The following MON2 variants were observed in gnomAD, a reference collection of about 807,000 sequenced individuals.
MON2 encodes MON2 regulator of endosome-to-Golgi trafficking.
A neutral mutation model predicts 208.6 loss-of-function variants in MON2; 84 were observed. The observed-to-expected ratio is 0.40, with a 90% CI of 0.34 to 0.48. The LOEUF is 0.48. Ranked by LOEUF, MON2 falls within the 20% of genes least tolerant of loss-of-function variation. The pLI is 0.59. For missense variants in MON2, 1,611 were observed against 2,015.4 expected (o/e 0.80, Z 3.84); for synonymous variants, 660 against 694.0 (o/e 0.95, Z 0.77).
chr12:62,492,708 C>T (rs1187955450), intron 2 of MON2, among the ~76,000 whole-genome samples: 3 of 146,068 alleles, frequency 2.1e-5, no homozygotes, highest in African/African-American at 2.5e-5. Context: ...CAGCCAGGCA[C>T]GGTGGCTCAC....
At chr12:62,544,264 G>A (rs1397080893) in intron 20 of MON2, among the ~76,000 whole-genome samples, 1 of 152,038 alleles carries the variant, frequency 6.6e-6, no homozygotes, top group East Asian at 1.9e-4. Context: ...GGGCAACATA[G>A]GGAGACACCA....
chr12:62,524,731 AC>A, intron 9 of MON2, 92 bp downstream of exon 9: 1 of 1,244,944 alleles, frequency 8.0e-7, no homozygotes. Flanking sequence ...TAGTCAGAAG[AC>A]TTTTGGTATT....
chr12:62,559,777 A>C (rs1045762450), intron 25 of MON2: 10 of 147,698 alleles, frequency 6.8e-5, no homozygotes, highest in Non-Finnish European at 1.2e-4. Context: ...CATCTCTTAA[A>C]AAAAAAAAAA....
At chr12:62,499,902 T>C (rs1334128597) in intron 5 of MON2, among the ~76,000 whole-genome samples, 1 of 152,098 alleles carries the variant, frequency 6.6e-6, no homozygotes, top group Non-Finnish European at 1.5e-5. Context: ...TAAAATATTT[T>C]TATCGACTAC....
At chr12:62,537,506 TA>T in intron 15 of MON2, 95 bp from the exon 16 acceptor site, 2 of 947,178 alleles carry the variant, frequency 2.1e-6, no homozygotes, top group Non-Finnish European at 3.1e-6. Context: ...ATTTTTTCTT[TA>T]AAAAAATCTT....
At chr12:62,573,560 T>TA (rs927618492) in intron 30 of MON2, among the ~76,000 whole-genome samples, 41 of 150,338 alleles carry the variant, frequency 2.7e-4, no homozygotes, top group South Asian at 1.5e-3. Context: ...ATCCTGTATA[T>TA]AAAAAAAAAT....
intron 1 of MON2, among the ~76,000 whole-genome samples, chr12:62,474,539 C>G (rs2068965391): frequency 6.6e-6 from 1 of 152,164 alleles, no homozygotes; most frequent in African/African-American, 2.4e-5. Context: ...ATTCTCTTGC[C>G]TCAGCTTCCT....
chr12:62,522,986 C>T (rs1166300261), intron 8 of MON2, among the ~76,000 whole-genome samples: 5 of 152,152 alleles, frequency 3.3e-5, no homozygotes, highest in African/African-American at 1.2e-4. Flanking sequence ...GTTATTCCTT[C>T]GGCTGTAATA....
At chr12:62,480,688 G>A (rs998200377) in intron 1 of MON2, among the ~76,000 whole-genome samples, 3 of 152,186 alleles carry the variant, frequency 2.0e-5, no homozygotes, top group East Asian at 3.8e-4. Context: ...GGACTATGGC[G>A]AATTTGAAAT....
intron 11 of MON2, among the ~76,000 whole-genome samples, chr12:62,531,331 C>T (rs1365822496): frequency 6.6e-6 from 1 of 152,080 alleles, no homozygotes; most frequent in Non-Finnish European, 1.5e-5. Context: ...ATGTTTTCTT[C>T]TAAGAGTTTT....
intron 29 of MON2, among the ~76,000 whole-genome samples, chr12:62,568,722 C>T (rs907960692): frequency 3.9e-5 from 6 of 151,956 alleles, no homozygotes; most frequent in African/African-American, 1.5e-4. Context: ...TGCAGTGGCT[C>T]AGTCACTGCA....
chr12:62,560,513 T>G lies in MON2; in HGVS notation c.3432T>G (p.Asp1144Glu). The change falls in exon 26 of 35, where the codon GAT becomes GAG. Residue 1144 changes from aspartate (D) to glutamate (E), a missense_variant. Transcript: ENST00000393630. ...TAGGAGATTTTTCAAGAGCTTGGGA[T>G]GTTCTTCTTGACCATATACAGTCAG... ...QPLGDFSRAWDVLLDHIQSAA... is the reference protein window; with the variant it reads ...QPLGDFSRAWEVLLDHIQSAA... 1.2e-6 allele frequency: 2 copies of G among 1,608,630 alleles called. No homozygotes were observed. Among genetic ancestry groups the G allele is most frequent in the Non-Finnish European group, 1.7e-6 (2 of 1,178,698 alleles).
chr12:62,590,130 G>A (rs908984689), intron 34 of MON2, among the ~76,000 whole-genome samples: 6 of 152,064 alleles, frequency 3.9e-5, no homozygotes, highest in Non-Finnish European at 7.3e-5. Context: ...TTGCTCTGTC[G>A]CCCAGGCTAG....
chr12:62,548,164 A>T (rs191013057), intron 22 of MON2, among the ~76,000 whole-genome samples: 4 of 152,346 alleles, frequency 2.6e-5, no homozygotes, highest in Admixed American at 2.6e-4. Context: ...TTTTATAGAT[A>T]TCACTGTGAC....
chr12:62,511,360 T>C (rs768835843), intron 8 of MON2, among the ~76,000 whole-genome samples: 9 of 152,082 alleles, frequency 5.9e-5, no homozygotes, highest in Non-Finnish European at 1.0e-4. Context: ...TCAAAACATA[T>C]TACAAAGCTA....
chr12:62,472,856 A>G (rs918046703), intron 1 of MON2, among the ~76,000 whole-genome samples: 2 of 152,226 alleles, frequency 1.3e-5, no homozygotes, highest in Non-Finnish European at 2.9e-5. Context: ...CCATAAGCGT[A>G]ATATAATATA....
At chr12:62,474,882 T>G (rs1481723166) in intron 1 of MON2, among the ~76,000 whole-genome samples, 1 of 152,206 alleles carries the variant, frequency 6.6e-6, no homozygotes, top group Non-Finnish European at 1.5e-5. Flanking sequence ...CACCTGTTCC[T>G]TCCAGCTCTG....
Position 62,525,183 on chromosome 12 carries a change from C to A in MON2, c.1209C>A (p.Val403=). 1.9e-6 allele frequency: 3 copies of A among 1,613,058 alleles called. No homozygotes were observed. Among genetic ancestry groups the A allele is most frequent in the Non-Finnish European group, 2.5e-6 (3 of 1,179,300 alleles). The change falls in exon 10 of 35, where the codon GTC becomes GTA. Residue 403 remains valine, a synonymous_variant. Coordinates refer to ENST00000393630, the MANE Select transcript of MON2 (RefSeq NM_015026.3). The stretch of plus-strand genomic sequence containing the variant: ...CTTTTATACAGTCCTTGTTTCTTGT[C>A]CCCCCTACTGGAAATCCTGCAACAA... ...LGSFIQSLFL[V]PPTGNPATSN...
rs189027069 is a variant in MON2, at chr12:62,499,369, T to C, written c.565+321T>C. On this transcript the variant is annotated intron_variant, in intron 5 of 34. Transcript: ENST00000393630. ...GTCCTCATAATTTAAATTTTAATGA[T>C]TGCATTATATTTCATGGCCATTCTG... Among the ~76,000 whole-genome samples the C allele has an allele frequency of 7.4e-4, 112 of 152,320 alleles. 1 individual carries two copies. Among genetic ancestry groups the C allele is most frequent in the African/African-American group, 2.5e-3 (106 of 41,584 alleles).
Sources: allele counts gnomAD v4.1 joint callset (sites outside exome capture counted in the v4.1 genomes callset), GRCh38; gene constraint gnomAD v4.1.1; transcripts MANE v1.5; gene names NCBI Gene and HGNC (gene_info 2026-07-23, HGNC 2026-07-21).